The following PDE3A variants were observed in gnomAD, a reference collection of about 807,000 sequenced individuals.
PDE3A encodes phosphodiesterase 3A.
A neutral mutation model predicts 98.3 loss-of-function variants in PDE3A; 43 were observed. The observed-to-expected ratio is 0.44, with a 90% CI of 0.34 to 0.56. PDE3A has a LOEUF of 0.56. PDE3A is among the 20% of genes least tolerant of loss of function. The pLI, the probability that PDE3A is intolerant of heterozygous loss-of-function variation, is 0.01. For missense variants in PDE3A, 1,427 were observed against 1,440.7 expected, an observed-to-expected ratio of 0.99 and a Z score of 0.15; for synonymous variants, 663 against 567.9, an observed-to-expected ratio of 1.17 and a Z score of -2.38.
rs1209822574 is a variant in PDE3A, at chr12:20,682,865, T to A, written c.*2594T>A. ...AGAGCTATGTTTGGAGTGAGTGGAC[T>A]GGCAGGACAGTTGGAAGTCCATCAC... On this transcript the variant is annotated 3_prime_UTR_variant, in exon 16 of 16. Coordinates refer to ENST00000359062, the MANE Select transcript of PDE3A (RefSeq NM_000921.5). 6.6e-6 allele frequency: 1 copy of A among 152,212 alleles called. No individual in the cohort carries two copies. The highest frequency in any genetic ancestry group is 2.4e-5 in the African/African-American group (1 of 41,462). The allele number at this position is 152,212 out of a possible 1,614,324, so 9.4% of individuals were successfully genotyped here.
At chr12:20,400,379 G>GTTTTTTTTTTTTTTTTTTTTT (rs75851941) in intron 1 of PDE3A, among the ~76,000 whole-genome samples, 8 of 110,292 alleles carry the variant, frequency 7.3e-5, no homozygotes, top group Admixed American at 1.9e-4. Context: ...GTTAACATTG[G>GTTTTTTTTTTTTTTTTTTTTT]TTTTTTTTTT....
intron 15 of PDE3A, among the ~76,000 whole-genome samples, chr12:20,660,453 G>C (rs1394028001): frequency 6.6e-6 from 1 of 152,100 alleles, no homozygotes; most frequent in Non-Finnish European, 1.5e-5. Context: ...GGGCTCAGAA[G>C]AAGACAGGAA....
intron 1 of PDE3A, among the ~76,000 whole-genome samples, chr12:20,403,870 A>C (rs1054379024): frequency 6.6e-6 from 1 of 152,016 alleles, no homozygotes; most frequent in African/African-American, 2.4e-5. Flanking sequence ...ATGTAGATAC[A>C]TATATATATG....
chr12:20,480,872 G>A (rs538111281), intron 1 of PDE3A, among the ~76,000 whole-genome samples: 1 of 152,310 alleles, frequency 6.6e-6, no homozygotes, highest in South Asian at 2.1e-4. Flanking sequence ...CGCCATTCAG[G>A]TTCTGAAATG....
Position 20,368,769 on chromosome 12 carries a change from G to C in PDE3A, c.-516G>C, listed in dbSNP as rs998416725. ...AAAAGAGCTGCAGGAAGGAGGAGAA[G>C]GGAGACCTCCATCTGCCGCGGGCCC... On this transcript the variant is annotated 5_prime_UTR_variant, in exon 1 of 16. Transcript: ENST00000359062. 6.6e-6 allele frequency among the ~76,000 whole-genome samples: 1 copy of C among 152,008 alleles called. No homozygotes were observed. The highest frequency in any genetic ancestry group is 2.4e-5 in the African/African-American group (1 of 41,424).
intron 1 of PDE3A, among the ~76,000 whole-genome samples, chr12:20,536,000 C>T (rs1592030454): frequency 1.3e-5 from 2 of 152,170 alleles, no homozygotes; most frequent in East Asian, 3.9e-4. Flanking sequence ...AGTATTATGC[C>T]TGGAGCCAAT....
intron 1 of PDE3A, among the ~76,000 whole-genome samples, chr12:20,556,421 A>G (rs1942370149): frequency 6.6e-6 from 1 of 152,174 alleles, no homozygotes; most frequent in African/African-American, 2.4e-5. Context: ...ACAGAGCTAC[A>G]CAGTAGCTTC....
intron 1 of PDE3A, among the ~76,000 whole-genome samples, chr12:20,468,937 C>T (rs1945389780): frequency 6.6e-6 from 1 of 152,166 alleles, no homozygotes; most frequent in Non-Finnish European, 1.5e-5. Flanking sequence ...GAGGCTGCCA[C>T]TCAGTCACTA....
rs765281195 is a variant in PDE3A, at chr12:20,370,120, C to T, written c.836C>T (p.Thr279Ile). Residue 279 changes from threonine (T) to isoleucine (I), a missense_variant, in exon 1 of 16, where the codon ACC becomes ATC. Physicochemically the swap from Thr to Ile is moderately conservative, Grantham distance 89 (BLOSUM62 -1). Around this residue, in one of 3 missense-constraint regions of PDE3A, gnomAD observed 1,012 missense variants for 886.5 expected, o/e 1.14. Coordinates refer to ENST00000359062, the MANE Select transcript of PDE3A (RefSeq NM_000921.5). ...EHLGSQLIAG[T>I]KEDIPVFKRR... is the part of the protein sequence containing the mutation. ...TTGGGGTCCCAGCTGATTGCTGGGACCAAGGAAGATATCCCGGTGTTTAAG... is the reference window on the plus strand; with the variant it reads ...TTGGGGTCCCAGCTGATTGCTGGGATCAAGGAAGATATCCCGGTGTTTAAG... 4 of 1,613,198 alleles carry T rather than the reference C, an allele frequency of 2.5e-6. No individual in the cohort carries two copies. In the Admixed American group the frequency reaches 5.0e-5, roughly 20 times the overall value.
intron 15 of PDE3A, among the ~76,000 whole-genome samples, chr12:20,655,308 C>G (rs190390724): frequency 6.6e-6 from 1 of 152,080 alleles, no homozygotes; most frequent in East Asian, 1.9e-4. Context: ...GGAGTGCTCC[C>G]TGGGGCTGTA....
chr12:20,459,052 T>A (rs1365484932), intron 1 of PDE3A, among the ~76,000 whole-genome samples: 1 of 152,174 alleles, frequency 6.6e-6, no homozygotes, highest in Admixed American at 6.6e-5. Context: ...AGTGCTTTCT[T>A]ATCAGATGGA....
At position 20,368,805 on chromosome 12, in the gene PDE3A, AGCGCAG is replaced by A. The variant is rs1248208353; in HGVS notation, c.-479_-474del. On this transcript the variant is annotated 5_prime_UTR_variant, in exon 1 of 16. Transcript: ENST00000359062. ...ATCTGCCGCGGGCCCGGCGCGCTGCAGCGCAGCGCAGCGCCGAGCTGCGCCTCGGAA... is the reference window on the plus strand; with the variant it reads ...ATCTGCCGCGGGCCCGGCGCGCTGCACGCAGCGCCGAGCTGCGCCTCGGAA... 6.6e-6 allele frequency among the ~76,000 whole-genome samples: 1 copy of A among 151,776 alleles called. No individual in the cohort carries two copies. Among genetic ancestry groups the A allele is most frequent in the Non-Finnish European group, 1.5e-5 (1 of 67,916 alleles).
intron 1 of PDE3A, among the ~76,000 whole-genome samples, chr12:20,468,190 T>C (rs937174337): frequency 6.6e-6 from 1 of 152,122 alleles, no homozygotes; most frequent in Non-Finnish European, 1.5e-5. Flanking sequence ...GCAATTGATT[T>C]CTGAGTCTTC....
chr12:20,430,307 T>C (rs1008358913), intron 1 of PDE3A, among the ~76,000 whole-genome samples: 1 of 152,084 alleles, frequency 6.6e-6, no homozygotes, highest in Non-Finnish European at 1.5e-5. Context: ...GAAGGCCAAA[T>C]GATTTTTTTT....
rs777927679 is a variant in PDE3A at position 20,541,075 on chromosome 12, CTTTTTTTTTTTTTTTTTTTTTT to C, written c.961-15567_961-15546del. Among the ~76,000 whole-genome samples, 49 of 52,984 alleles carry C rather than the reference CTTTTTTTTTTTTTTTTTTTTTT, an allele frequency of 9.2e-4. 1 individual carries two copies. The Admixed American group carries it at 0.01, about 11-fold the overall frequency. The allele number at this position is 52,984 out of a possible 152,430, so 34.8% of individuals were successfully genotyped here. ...AATTGACAAGGACATTGGTAACTTT[CTTTTTTTTTTTTTTTTTTTTTT>C]TTTTTTTTTTTTTTTTTGAGACAGG... is the stretch of plus-strand genomic sequence containing the variant. On this transcript the variant is annotated intron_variant, in intron 1 of 15. Transcript: ENST00000359062.
intron 1 of PDE3A, among the ~76,000 whole-genome samples, chr12:20,518,148 T>C (rs148175954): frequency 1.6e-3 from 240 of 152,310 alleles, no homozygotes; most frequent in African/African-American, 5.3e-3. Context: ...TAAGGGTAAA[T>C]TGCAAACAAA....
chr12:20,654,318 C>A (rs543800950), intron 15 of PDE3A, 113 bp downstream of exon 15: 2 of 970,066 alleles, frequency 2.1e-6, no homozygotes, highest in Admixed American at 2.4e-5. Flanking sequence ...ACATCATTTG[C>A]GGAGTTTGAC....
chr12:20,392,805 A>G (rs1055587047), intron 1 of PDE3A, among the ~76,000 whole-genome samples: 5 of 152,066 alleles, frequency 3.3e-5, no homozygotes, highest in African/African-American at 1.2e-4. Context: ...CCTTAAAAAG[A>G]ATGTAATACT....
chr12:20,549,078 C>G (rs1311166120), intron 1 of PDE3A, among the ~76,000 whole-genome samples: 1 of 151,810 alleles, frequency 6.6e-6, no homozygotes, highest in Non-Finnish European at 1.5e-5. Context: ...AGCTAAATGC[C>G]TCATTTTATT....
Sources: gnomAD v4.1 joint callset for allele counts (sites outside exome capture counted in the v4.1 genomes callset) on GRCh38, gnomAD v4.1.1 for gene constraint, gnomAD v4.1.1 regional missense constraint, MANE v1.5 for transcripts, NCBI Gene and HGNC (gene_info 2026-07-23, HGNC 2026-07-21) for gene names.